Variants in SLC44A1 observed in about 807,000 individuals in gnomAD.
The protein encoded by SLC44A1 is solute carrier family 44 member 1, also known as choline transporter-like protein 1.
SLC44A1 carries 26 observed loss-of-function variants against 79.3 expected under a neutral mutation model. That is an observed-to-expected ratio of 0.33 (90% confidence interval 0.24 to 0.46). The LOEUF is 0.46. Ranked by LOEUF, SLC44A1 falls within the 20% of genes least tolerant of loss-of-function variation. SLC44A1 has a pLI of 1.00. For synonymous variants in SLC44A1, 263 were observed against 286.2 expected (o/e 0.92, Z 0.82); for missense variants, 688 against 798.1 (o/e 0.86, Z 1.66).
At chr9:105,373,437 G>A (rs7043183) in intron 12 of SLC44A1, among the ~76,000 whole-genome samples, 152,322 of 152,328 alleles carry the variant, frequency 1, 76,158 homozygotes, top group Middle Eastern at 1. Context: ...AAATCAGTCT[G>A]TGACTAGTAG....
In SLC44A1 at chr9:105,397,002, A is replaced by T; in HGVS notation, c.*7946A>T. On this transcript the variant is annotated 3_prime_UTR_variant, in exon 16 of 16. Transcript: ENST00000374720. Reference sequence around the variant, plus strand: ...GACGGTCATTATTGACACAGTGCAGACTTTGCAGATGGAGCATTATGCTCT... The same window carrying T: ...GACGGTCATTATTGACACAGTGCAGTCTTTGCAGATGGAGCATTATGCTCT... The T allele has an allele frequency of 1.0e-6, 1 of 985,390 alleles. No homozygotes were observed. The highest frequency in any genetic ancestry group is 1.2e-6 in the Non-Finnish European group (1 of 829,906). 61.0% of individuals were successfully genotyped at this position (985,390 alleles called of 1,614,324 possible).
At position 105,395,041 on chromosome 9, in the gene SLC44A1, G is replaced by C; in HGVS notation, c.*5985G>C. On this transcript the variant is annotated 3_prime_UTR_variant, in exon 16 of 16. Transcript: ENST00000374720. The stretch of plus-strand genomic sequence containing the variant: ...AAAGCAGGCAGAAACTCATCAAGGG[G>C]TTTGAAGTTCTTGTGAAATTTGATC... The C allele has an allele frequency of 1.0e-6, 1 of 985,446 alleles. No homozygotes were observed. The highest frequency in any genetic ancestry group is 1.2e-6 in the Non-Finnish European group (1 of 829,948). The allele number at this position is 985,446 out of a possible 1,614,324, so 61.0% of individuals were successfully genotyped here.
intron 2 of SLC44A1, among the ~76,000 whole-genome samples, chr9:105,302,772 A>G (rs1204439901): frequency 6.6e-6 from 1 of 152,070 alleles, no homozygotes; most frequent in Non-Finnish European, 1.5e-5. Context: ...ACCCACTATT[A>G]TAGGCACAGA....
chr9:105,348,362 A>G lies in SLC44A1; in HGVS notation c.411A>G (p.Ser137=). 6.3e-7 allele frequency: 1 copy of G among 1,593,116 alleles called. No individual in the cohort carries two copies. Among genetic ancestry groups the G allele is most frequent in the Non-Finnish European group, 8.6e-7 (1 of 1,162,600 alleles). ...DVQKFAEING[S]ALCSYNLKPS... ...ACATAATTTTTCTTTCAACAGGTTC[A>G]GCCCTATGTAGCTACAACCTAAAGC... is the stretch of plus-strand genomic sequence containing the variant. Residue 137 remains serine (S), a synonymous_variant, in exon 5 of 16, where the codon TCA becomes TCG. Coordinates refer to ENST00000374720, the MANE Select transcript of SLC44A1 (RefSeq NM_080546.5).
chr9:105,285,081 A>C (rs185429467), intron 1 of SLC44A1, among the ~76,000 whole-genome samples: 2 of 152,336 alleles, frequency 1.3e-5, no homozygotes, highest in South Asian at 4.1e-4. Context: ...GCATGTGTGT[A>C]TCATTACTTC....
At chr9:105,413,827 GAGA>G (rs1347251536) in intron 15 of SLC44A1, among the ~76,000 whole-genome samples, 1 of 152,142 alleles carries the variant, frequency 6.6e-6, no homozygotes, top group Non-Finnish European at 1.5e-5. Flanking sequence ...TTAACCCCAG[GAGA>G]AGACGTGATC....
intron 2 of SLC44A1, chr9:105,299,601 T>C: frequency 3.5e-6 from 1 of 284,534 alleles, no homozygotes; most frequent in South Asian, 1.2e-4. Context: ...TCATGAGCCC[T>C]GCATATTCAC....
chr9:105,256,865 T>G (rs1230813392), intron 1 of SLC44A1, among the ~76,000 whole-genome samples: 2 of 151,436 alleles, frequency 1.3e-5, no homozygotes, highest in Non-Finnish European at 2.9e-5. Flanking sequence ...TCAGCTCACT[T>G]TAACCTCCAC....
intron 3 of SLC44A1, among the ~76,000 whole-genome samples, chr9:105,333,346 T>C (rs1431294067): frequency 6.6e-6 from 1 of 152,058 alleles, no homozygotes; most frequent in African/African-American, 2.4e-5. Context: ...ACTCAATGCC[T>C]CTCTCCCATC....
At chr9:105,292,165 G>T (rs1295511131) in intron 1 of SLC44A1, among the ~76,000 whole-genome samples, 1 of 152,102 alleles carries the variant, frequency 6.6e-6, no homozygotes, top group Non-Finnish European at 1.5e-5. Context: ...CTTAGTCTGG[G>T]GGAATGCCAA....
intron 1 of SLC44A1, among the ~76,000 whole-genome samples, chr9:105,292,684 C>T (rs998930369): frequency 6.6e-6 from 1 of 152,138 alleles, no homozygotes; most frequent in Non-Finnish European, 1.5e-5. Flanking sequence ...TTCTCACAAA[C>T]GTTTCCTTAA....
intron 4 of SLC44A1, among the ~76,000 whole-genome samples, chr9:105,343,271 C>T (rs1279226132): frequency 2.0e-5 from 3 of 151,918 alleles, no homozygotes; most frequent in African/African-American, 7.3e-5. Context: ...AATTTGAGAG[C>T]TTTATAATCT....
At chr9:105,427,066 G>GCCCAC (rs1829332261) in intron 15 of SLC44A1, among the ~76,000 whole-genome samples, 1 of 151,940 alleles carries the variant, frequency 6.6e-6, no homozygotes, top group African/African-American at 2.4e-5. Context: ...CTCTGGAGTA[G>GCCCAC]CTGGGACTAC....
chr9:105,281,166 G>C (rs897353969), intron 1 of SLC44A1, among the ~76,000 whole-genome samples: 2 of 152,210 alleles, frequency 1.3e-5, no homozygotes, highest in African/African-American at 4.8e-5. Context: ...ATCCCTGTAG[G>C]GTGGCTGGGG....
At chr9:105,366,553 A>G (rs1827947903) in intron 12 of SLC44A1, 124 bp downstream of exon 12, 2 of 438,080 alleles carry the variant, frequency 4.6e-6, no homozygotes, top group Non-Finnish European at 8.0e-6. Context: ...TTGTGCCTTG[A>G]TAAAGTATGT....
intron 1 of SLC44A1, among the ~76,000 whole-genome samples, chr9:105,276,515 G>GAT (rs771043159): frequency 1.3e-4 from 20 of 150,976 alleles, no homozygotes; most frequent in Non-Finnish European, 1.9e-4. Flanking sequence ...AGCAGATGAA[G>GAT]ATATGTACTG....
At chr9:105,430,068 C>A (rs969916476) in intron 15 of SLC44A1, among the ~76,000 whole-genome samples, 1 of 151,954 alleles carries the variant, frequency 6.6e-6, no homozygotes, top group Non-Finnish European at 1.5e-5. Context: ...CGCCAATGCC[C>A]GGCGAATTTT....
intron 12 of SLC44A1, among the ~76,000 whole-genome samples, chr9:105,370,694 C>G (rs12351598): frequency 0.2 from 30,620 of 152,150 alleles, 4,058 homozygotes; most frequent in Non-Finnish European, 0.29. Flanking sequence ...CTCGTGTAAG[C>G]TGGTCTGATG....
At position 105,391,717 on chromosome 9, in the gene SLC44A1, C is replaced by T; in HGVS notation, c.*2661C>T. On this transcript the variant is annotated 3_prime_UTR_variant, in exon 16 of 16. Transcript: ENST00000374720. ...CAGCTAGCTATGGGCTGCCTTATTG[C>T]TATTCGCTCACTGCTTCCATCTTCT... The T allele has an allele frequency of 1.0e-6, 1 of 985,318 alleles. No homozygotes were observed. The highest frequency in any genetic ancestry group is 1.2e-6 in the Non-Finnish European group (1 of 829,898). 61.0% of individuals were successfully genotyped at this position (985,318 alleles called of 1,614,324 possible). A position where few individuals can be genotyped will look rare whatever the true frequency, so the allele number is the denominator to read the frequency against.
Sources: gnomAD v4.1 joint callset for allele counts (sites outside exome capture counted in the v4.1 genomes callset) on GRCh38, gnomAD v4.1.1 for gene constraint, MANE v1.5 for transcripts, NCBI Gene and HGNC (gene_info 2026-07-23, HGNC 2026-07-21) for gene names.